The following ATXN10 variants were observed in gnomAD, a reference collection of about 807,000 sequenced individuals.
The protein encoded by ATXN10 is ataxin-10.
ATXN10 carries 28 observed loss-of-function variants against 52.9 expected under a neutral mutation model. That is an observed-to-expected ratio of 0.53 (90% confidence interval 0.39 to 0.73). ATXN10 has a LOEUF of 0.73. Among genes scored for constraint, ATXN10 ranks in the 30% least tolerant of loss-of-function variants. ATXN10 has a pLI of 0.00. For synonymous variants in ATXN10, 226 were observed against 221.5 expected (o/e 1.02, Z -0.18); for missense variants, 565 against 577.0 (o/e 0.98, Z 0.21).
At chr22:45,739,623 C>A (rs1028718833) in intron 8 of ATXN10, among the ~76,000 whole-genome samples, 1 of 152,140 alleles carries the variant, frequency 6.6e-6, no homozygotes, top group East Asian at 1.9e-4. Flanking sequence ...ATGGAAGGAG[C>A]CTGAGTTTGG....
intron 10 of ATXN10, among the ~76,000 whole-genome samples, chr22:45,821,544 A>G (rs1928650066): frequency 6.6e-6 from 1 of 152,200 alleles, no homozygotes; most frequent in East Asian, 1.9e-4. Flanking sequence ...TCATGGTGAC[A>G]TTTGTGAGTC....
At position 45,795,424 on chromosome 22, in the gene ATXN10, T is replaced by TATTCTATTCTATTCTATTC. The variant is rs1555896219; in HGVS notation, c.1174-11535_1174-11534insATTCTATTCTATTCTATTC. ...TATTCTATTCTATTCTATTCTATTCTTTTTGAGATGAAGTCTCTCTATGTT... is the reference window on the plus strand; with the variant it reads ...TATTCTATTCTATTCTATTCTATTCTATTCTATTCTATTCTATTCTTTTGAGATGAAGTCTCTCTATGTT... On this transcript the variant is annotated intron_variant, in intron 9 of 11. Transcript: ENST00000252934. This position sits in a 1 kb window ranked among gnomAD's most constrained non-coding sequence, Gnocchi z 4.6. Among the ~76,000 whole-genome samples, 1 of 147,458 alleles carries TATTCTATTCTATTCTATTC rather than the reference T, an allele frequency of 6.8e-6. No individual in the cohort carries two copies. Among genetic ancestry groups the TATTCTATTCTATTCTATTC allele is most frequent in the Non-Finnish European group, 1.5e-5 (1 of 67,194 alleles).
At chr22:45,698,406 ATCT>A (rs1370781954) in intron 3 of ATXN10, among the ~76,000 whole-genome samples, 2 of 152,068 alleles carry the variant, frequency 1.3e-5, no homozygotes, top group African/African-American at 2.4e-5. Context: ...CCGTTTGTAA[ATCT>A]TCTTTGGAGA....
chr22:45,814,129 C>T (rs529991341), intron 10 of ATXN10, among the ~76,000 whole-genome samples: 1 of 152,306 alleles, frequency 6.6e-6, no homozygotes, highest in South Asian at 2.1e-4. Context: ...TCACAGATGA[C>T]TTTGGTTATT....
rs1181290567 is a variant in ATXN10, at chr22:45,702,810, A to T, written c.610A>T (p.Ile204Leu). 1 of 1,613,878 alleles carries T rather than the reference A, an allele frequency of 6.2e-7. No individual in the cohort carries two copies. The highest frequency in any genetic ancestry group is 8.5e-7 in the Non-Finnish European group (1 of 1,179,986). Reference sequence around the variant, plus strand: ...GAACCTCAATATTGCAATTGATGTCATAGATGCTTACCAAAAACATCCTGA... The same window carrying T: ...GAACCTCAATATTGCAATTGATGTCTTAGATGCTTACCAAAAACATCCTGA... ...EENLNIAIDV[I>L]DAYQKHPESE... The change falls in exon 5 of 12, where the codon ATA becomes TTA. Residue 204 changes from isoleucine to leucine, a missense_variant. Coordinates refer to ENST00000252934, the MANE Select transcript of ATXN10 (RefSeq NM_013236.4).
rs775664843 is a variant in ATXN10, at chr22:45,790,060, T to G, written c.1174-16899T>G. On this transcript the variant is annotated intron_variant, in intron 9 of 11. Coordinates refer to ENST00000252934, the MANE Select transcript of ATXN10 (RefSeq NM_013236.4). The surrounding 1 kb of genome is among the most constrained non-coding windows in gnomAD (Gnocchi z 4.7). ...TCTCATTATCAGATTTCCAGAGAGA[T>G]ATTAAAATCCAAAGATAACATTGCA... is the stretch of plus-strand genomic sequence containing the variant. Among the ~76,000 whole-genome samples, 62 of 152,246 alleles carry G rather than the reference T, an allele frequency of 4.1e-4. No individual in the cohort carries two copies. Among genetic ancestry groups the G allele is most frequent in the Non-Finnish European group, 8.8e-4 (60 of 68,044 alleles).
At chr22:45,694,085 G>A (rs879840326) in intron 3 of ATXN10, among the ~76,000 whole-genome samples, 2 of 152,118 alleles carry the variant, frequency 1.3e-5, no homozygotes, top group Non-Finnish European at 2.9e-5. Flanking sequence ...CACATGTTAA[G>A]TGTCTAAGTC....
intron 9 of ATXN10, chr22:45,792,748 G>A: frequency 2.2e-6 from 1 of 462,714 alleles, no homozygotes; most frequent in Non-Finnish European, 4.4e-6. Flanking sequence ...AACAAGCCAA[G>A]GTTTTTCTCT....
At chr22:45,740,590 T>C in intron 9 of ATXN10, 52 bp downstream of exon 9, 2 of 1,569,706 alleles carry the variant, frequency 1.3e-6, no homozygotes, top group Non-Finnish European at 1.8e-6. Context: ...ATTTAGAATA[T>C]AGTCCTTGGA....
At chr22:45,689,632 A>G in intron 1 of ATXN10, 80 bp from the exon 2 acceptor site, 2 of 1,300,172 alleles carry the variant, frequency 1.5e-6, no homozygotes, top group Non-Finnish European at 2.2e-6. Flanking sequence ...ACAATAGTAG[A>G]TAAAAGCAGT....
In ATXN10 at chr22:45,819,190, GAAAAT is replaced by G. The variant is rs1928565039; in HGVS notation, c.1237+12170_1237+12174del. On this transcript the variant is annotated intron_variant, in intron 10 of 11. Transcript: ENST00000252934. This position sits in a 1 kb window ranked among gnomAD's most constrained non-coding sequence, Gnocchi z 4.5. ...TCTCTGTAGTATGAAGAATAGAATAGAAAATAGAATAGAATAGAATAGAATAGAAT... is the reference window on the plus strand; with the variant it reads ...TCTCTGTAGTATGAAGAATAGAATAGAGAATAGAATAGAATAGAATAGAAT... Among the ~76,000 whole-genome samples the G allele has an allele frequency of 7.7e-6, 1 of 129,922 alleles. No homozygotes were observed. Among genetic ancestry groups the G allele is most frequent in the African/African-American group, 3.0e-5 (1 of 33,108 alleles). 85.2% of individuals were successfully genotyped at this position (129,922 alleles called of 152,430 possible). A position where few individuals can be genotyped will look rare whatever the true frequency, so the allele number is the denominator to read the frequency against.
intron 6 of ATXN10, among the ~76,000 whole-genome samples, chr22:45,723,982 C>T (rs1242984588): frequency 6.6e-6 from 1 of 151,904 alleles, no homozygotes; most frequent in Non-Finnish European, 1.5e-5. Context: ...GCTTCCAGCT[C>T]CATCCAAGTT....
rs1264619786 is a variant in ATXN10 at position 45,763,342 on chromosome 22, G to C, written c.1173+22804G>C. ...TGGAGGGCTCCTCAGAGATGAGGCTGAGTGGGAGTGAAGGTTTCGTCAAGG... is the reference window on the plus strand; with the variant it reads ...TGGAGGGCTCCTCAGAGATGAGGCTCAGTGGGAGTGAAGGTTTCGTCAAGG... On this transcript the variant is annotated intron_variant, in intron 9 of 11. Transcript: ENST00000252934. This position sits in a 1 kb window ranked among gnomAD's most constrained non-coding sequence, Gnocchi z 6.9. Among the ~76,000 whole-genome samples, 2 of 152,218 alleles carry C rather than the reference G, an allele frequency of 1.3e-5. No individual in the cohort carries two copies. Among genetic ancestry groups the C allele is most frequent in the African/African-American group, 4.8e-5 (2 of 41,456 alleles).
chr22:45,706,394 T>A (rs1275057029), intron 5 of ATXN10, among the ~76,000 whole-genome samples: 1 of 152,222 alleles, frequency 6.6e-6, no homozygotes, highest in Non-Finnish European at 1.5e-5. Flanking sequence ...ATTCTCTATT[T>A]CATTTCTTTT....
At chr22:45,756,110 A>AT (rs2146823350) in intron 9 of ATXN10, among the ~76,000 whole-genome samples, 1 of 152,256 alleles carries the variant, frequency 6.6e-6, no homozygotes, top group South Asian at 2.1e-4. Flanking sequence ...GTTATCGTAA[A>AT]TTAAGTTTAA....
At chr22:45,745,671 G>A (rs138175) in intron 9 of ATXN10, among the ~76,000 whole-genome samples, 132,448 of 152,288 alleles carry the variant, frequency 0.87, 57,934 homozygotes, top group African/African-American at 0.96. Flanking sequence ...TACATTTTTC[G>A]TTAACTTTGT....
intron 9 of ATXN10, 86 bp downstream of exon 9, chr22:45,740,624 A>C (rs1925475639): frequency 6.3e-6 from 8 of 1,270,622 alleles, no homozygotes; most frequent in Non-Finnish European, 9.1e-6. Context: ...TTTGGAGTGA[A>C]AGCTTGAGGT....
chr22:45,751,763 A>AAAAAATAATAAT lies in ATXN10; in HGVS notation c.1173+11227_1173+11228insAAATAATAATAA. Among the ~76,000 whole-genome samples, 8 of 66,606 alleles carry AAAAAATAATAAT rather than the reference A, an allele frequency of 1.2e-4. No individual in the cohort carries two copies. In the East Asian group the frequency reaches 1.2e-3, roughly 10 times the overall value. The allele number at this position is 66,606 out of a possible 152,430, so 43.7% of individuals were successfully genotyped here. On this transcript the variant is annotated intron_variant, in intron 9 of 11. Transcript: ENST00000252934. ...TGGAAAAAAAAAAAAAATAAAAAAA[A>AAAAAATAATAAT]AATAATAATAATAATAATAATAATA...
In ATXN10 at chr22:45,678,566, T is replaced by A. The variant is rs934237886; in HGVS notation, c.116+6387T>A. 6 of 152,206 alleles carry A rather than the reference T, an allele frequency of 3.9e-5. No homozygotes were observed. Among genetic ancestry groups the A allele is most frequent in the Admixed American group, 2.0e-4 (3 of 15,288 alleles). The allele number at this position is 152,206 out of a possible 1,614,324, so 9.4% of individuals were successfully genotyped here. A position where few individuals can be genotyped will look rare whatever the true frequency, so the allele number is the denominator to read the frequency against. Reference sequence around the variant, plus strand: ...TAATAAAATAGCCTTTTATGTATCTTTTTCCCTACTCAGTAGTGCCTTTCT... The same window carrying A: ...TAATAAAATAGCCTTTTATGTATCTATTTCCCTACTCAGTAGTGCCTTTCT... On this transcript the variant is annotated intron_variant, in intron 1 of 11. Coordinates refer to ENST00000252934, the MANE Select transcript of ATXN10 (RefSeq NM_013236.4). The surrounding 1 kb of genome is among the most constrained non-coding windows in gnomAD (Gnocchi z 4.1).
Sources: gnomAD v4.1 joint callset for allele counts (sites outside exome capture counted in the v4.1 genomes callset) on GRCh38, gnomAD v4.1.1 for gene constraint, Gnocchi (gnomAD v3.1) non-coding constraint, MANE v1.5 for transcripts, NCBI Gene and HGNC (gene_info 2026-07-23, HGNC 2026-07-21) for gene names.